SUSD1: variants seen among roughly 807,000 people sequenced by gnomAD.
The protein encoded by SUSD1 is sushi domain-containing protein 1.
SUSD1 carries 65 observed loss-of-function variants against 86.9 expected under a neutral mutation model. The ratio of observed to expected loss-of-function variants is 0.75; its 90% CI spans 0.61 to 0.92. SUSD1 has a LOEUF of 0.92. SUSD1 is among the 40% of genes least tolerant of loss of function. SUSD1 has a pLI of 0.00. For synonymous variants in SUSD1, 346 were observed against 350.0 expected (o/e 0.99, Z 0.13); for missense variants, 850 against 929.7 (o/e 0.91, Z 1.11).
At chr9:112,094,153 G>A (rs899279001) in intron 10 of SUSD1, among the ~76,000 whole-genome samples, 1 of 152,096 alleles carries the variant, frequency 6.6e-6, no homozygotes, top group East Asian at 1.9e-4. Context: ...AGGAACCAGT[G>A]TTTTCATAAG....
At chr9:112,052,220 T>G in intron 15 of SUSD1, 179 bp downstream of exon 15, 1 of 1,528,786 alleles carries the variant, frequency 6.5e-7, no homozygotes, top group Non-Finnish European at 8.7e-7. Flanking sequence ...TATAATTCCA[T>G]AAGCTCCCAT....
chr9:112,051,226 A>C (rs1225315385), intron 15 of SUSD1, among the ~76,000 whole-genome samples: 1 of 152,190 alleles, frequency 6.6e-6, no homozygotes, highest in Non-Finnish European at 1.5e-5. Flanking sequence ...GTCATAGATT[A>C]CTTAAATAGA....
intron 6 of SUSD1, among the ~76,000 whole-genome samples, chr9:112,114,460 G>A (rs1324965583): frequency 6.6e-6 from 1 of 152,218 alleles, no homozygotes; most frequent in Non-Finnish European, 1.5e-5. Context: ...TCCAGCCTGG[G>A]TGACAGAGTG....
intron 12 of SUSD1, among the ~76,000 whole-genome samples, chr9:112,072,973 G>A (rs1301656351): frequency 1.3e-5 from 2 of 152,204 alleles, no homozygotes; most frequent in Non-Finnish European, 2.9e-5. Flanking sequence ...TTCTCACTGA[G>A]GACACAGGGG....
chr9:112,149,199 C>A lies in SUSD1; in HGVS notation c.373+45G>T. 4 of 1,608,152 alleles carry A rather than the reference C, an allele frequency of 2.5e-6. No homozygotes were observed. In the South Asian group the frequency reaches 3.3e-5, roughly 13 times the overall value. On this transcript the variant is annotated intron_variant, in intron 3 of 16. Coordinates refer to ENST00000374270, the MANE Select transcript of SUSD1 (RefSeq NM_022486.5). ...AACAAATACACAGCCCAGATACTAT[C>A]CTGCCATCGCCAATTGTCAACACCG... is the stretch of plus-strand genomic sequence containing the variant.
chr9:112,120,705 T>A (rs1831518545), intron 6 of SUSD1, among the ~76,000 whole-genome samples: 1 of 152,226 alleles, frequency 6.6e-6, no homozygotes, highest in Admixed American at 6.5e-5. Context: ...AGGATGGTAA[T>A]TATAATTAGC....
chr9:112,065,683 G>A (rs1294207412), intron 12 of SUSD1, among the ~76,000 whole-genome samples: 2 of 152,110 alleles, frequency 1.3e-5, no homozygotes, highest in Non-Finnish European at 2.9e-5. Context: ...GAAATAATAC[G>A]ATGTAGTGGG....
chr9:112,148,922 C>G (rs1832923822), intron 3 of SUSD1, among the ~76,000 whole-genome samples: 1 of 149,844 alleles, frequency 6.7e-6, no homozygotes, highest in Admixed American at 6.7e-5. Flanking sequence ...AAAAAAAGTT[C>G]AAACAAAACA....
rs528698359 is a variant in SUSD1 at position 112,041,326 on chromosome 9, C to T, written c.*166G>A. ...CTTATGGTGACTCCTCAGGGATAGCCACCATCTTAAATCCAGGAATGGGGC... is the reference window on the plus strand; with the variant it reads ...CTTATGGTGACTCCTCAGGGATAGCTACCATCTTAAATCCAGGAATGGGGC... On this transcript the variant is annotated 3_prime_UTR_variant, in exon 17 of 17. Transcript: ENST00000374270. 57 of 680,890 alleles carry T rather than the reference C, an allele frequency of 8.4e-5. 1 individual carries two copies. Among genetic ancestry groups the T allele is most frequent in the South Asian group, 8.3e-4 (52 of 62,284 alleles). The allele number at this position is 680,890 out of a possible 1,614,324, so 42.2% of individuals were successfully genotyped here. A position where few individuals can be genotyped will look rare whatever the true frequency, so the allele number is the denominator to read the frequency against.
At position 112,111,828 on chromosome 9, in the gene SUSD1, C is replaced by T. The variant is rs780069685; in HGVS notation, c.997G>A (p.Gly333Arg). 2.5e-6 allele frequency: 4 copies of T among 1,613,818 alleles called. No individual in the cohort carries two copies. The Admixed American group carries it at 6.7e-5, about 27-fold the overall frequency. ...PKISYVISIK[G>R]QRLDPMESVR... Reference sequence around the variant, plus strand: ...GATTCCATAGGGTCCAACCGTTGTCCTTTTATGGATATCTTTGAGAGGAAA... The same window carrying T: ...GATTCCATAGGGTCCAACCGTTGTCTTTTTATGGATATCTTTGAGAGGAAA... The change falls in exon 8 of 17, where the codon GGA (glycine) becomes AGA (arginine). Residue 333 changes from glycine to arginine, a missense_variant. Physicochemically the swap from Gly to Arg is moderately radical, Grantham distance 125 (BLOSUM62 -2). Coordinates refer to ENST00000374270, the MANE Select transcript of SUSD1 (RefSeq NM_022486.5).
intron 10 of SUSD1, 125 bp downstream of exon 10, chr9:112,098,345 A>G: frequency 1.1e-6 from 1 of 944,740 alleles, no homozygotes; most frequent in South Asian, 1.8e-5. Context: ...CAGCTAACAA[A>G]GTTTGTTAGA....
In SUSD1 at chr9:112,040,793, G is replaced by A. The variant is rs1205712774; in HGVS notation, c.*699C>T. 2.0e-5 allele frequency: 3 copies of A among 152,170 alleles called. No homozygotes were observed. The highest frequency in any genetic ancestry group is 4.4e-5 in the Non-Finnish European group (3 of 68,046). 9.4% of individuals were successfully genotyped at this position (152,170 alleles called of 1,614,324 possible). ...AAGGGAAGAACAATCTTAATTACGG[G>A]ATATTTTTACTGGAATGTAGACATT... On this transcript the variant is annotated 3_prime_UTR_variant, in exon 17 of 17. Transcript: ENST00000374270.
chr9:112,063,256 C>A (rs1828815024), intron 12 of SUSD1, among the ~76,000 whole-genome samples: 1 of 152,014 alleles, frequency 6.6e-6, no homozygotes, highest in African/African-American at 2.4e-5. Flanking sequence ...CTAACATAGG[C>A]AAATTCATAG....
chr9:112,057,421 T>C (rs190321220), intron 14 of SUSD1, among the ~76,000 whole-genome samples: 1 of 152,372 alleles, frequency 6.6e-6, no homozygotes, highest in East Asian at 1.9e-4. Context: ...GTTTTGTCTA[T>C]GGCTAAAAAC....
chr9:112,151,199 C>A (rs919955528), intron 2 of SUSD1, among the ~76,000 whole-genome samples: 1 of 152,216 alleles, frequency 6.6e-6, no homozygotes, highest in African/African-American at 2.4e-5. Flanking sequence ...CCCACCTTAG[C>A]CTCCCAAAGA....
chr9:112,170,588 A>G (rs1589761479), intron 1 of SUSD1, among the ~76,000 whole-genome samples: 1 of 152,094 alleles, frequency 6.6e-6, no homozygotes, highest in East Asian at 1.9e-4. Flanking sequence ...CTTCAGTTCA[A>G]CTGACTTCAG....
At chr9:112,073,357 T>C (rs887424539) in intron 12 of SUSD1, among the ~76,000 whole-genome samples, 12 of 152,178 alleles carry the variant, frequency 7.9e-5, no homozygotes, top group African/African-American at 2.7e-4. Flanking sequence ...TCCTCCAGCA[T>C]GCTTGGTTCC....
At chr9:112,156,233 G>C (rs1038308302) in intron 2 of SUSD1, among the ~76,000 whole-genome samples, 9 of 151,980 alleles carry the variant, frequency 5.9e-5, no homozygotes, top group Non-Finnish European at 1.5e-5. Context: ...GGAGGCCAAG[G>C]CTGGTGGATC....
At position 112,120,222 on chromosome 9, in the gene SUSD1, G is replaced by A. The variant is rs544214944; in HGVS notation, c.886+4035C>T. ...CTTGGGAGGCTGAGGCAGAAGGATC[G>A]CTTGAGCCCAGGAGTTGGAGGCTGT... On this transcript the variant is annotated intron_variant, in intron 6 of 16. Coordinates refer to ENST00000374270, the MANE Select transcript of SUSD1 (RefSeq NM_022486.5). Among the ~76,000 whole-genome samples the A allele has an allele frequency of 5.3e-5, 8 of 152,168 alleles. No individual in the cohort carries two copies. In the East Asian group the frequency reaches 9.6e-4, roughly 18 times the overall value.
Sources: allele counts gnomAD v4.1 joint callset (sites outside exome capture counted in the v4.1 genomes callset), GRCh38; gene constraint gnomAD v4.1.1; transcripts MANE v1.5; gene names NCBI Gene and HGNC (gene_info 2026-07-23, HGNC 2026-07-21).